Variants in CNRIP1 observed in about 807,000 individuals in gnomAD.
CNRIP1 encodes the protein cannabinoid receptor interacting protein 1.
Under a neutral mutation model 15.2 loss-of-function variants are expected in CNRIP1, and 10 were observed. That is an observed-to-expected ratio of 0.66 (90% CI 0.41 to 1.12). CNRIP1 has a LOEUF of 1.12. Among genes scored for constraint, CNRIP1 ranks in the 50% most tolerant of loss-of-function variants. CNRIP1 has a pLI of 0.00. For synonymous variants in CNRIP1, 91 were observed against 83.2 expected (o/e 1.09, Z -0.51); for missense variants, 211 against 214.7 (o/e 0.98, Z 0.11).
chr2:68,308,352 T>C (rs934279608), intron 2 of CNRIP1, among the ~76,000 whole-genome samples: 5 of 152,226 alleles, frequency 3.3e-5, no homozygotes, highest in African/African-American at 1.2e-4. Context: ...GGAAAATGTT[T>C]TGTCAATATT....
chr2:68,319,331 A>T lies in CNRIP1; in HGVS notation c.70T>A (p.Phe24Ile), dbSNP rs369401112. The T allele has an allele frequency of 1.3e-6, 2 of 1,569,870 alleles. No individual in the cohort carries two copies. Among genetic ancestry groups the T allele is most frequent in the African/African-American group, 2.7e-5 (2 of 74,088 alleles). Reference sequence around the variant, plus strand: ...AAGCGCTGCCCGTCCACCTTGTAAAAGACCGGGCCGTCATTAGGCTGGATG... The same window carrying T: ...AAGCGCTGCCCGTCCACCTTGTAAATGACCGGGCCGTCATTAGGCTGGATG... The part of the protein sequence containing the change: ...LRIQPNDGPV[F>I]YKVDGQRFGQ... The change falls in exon 1 of 3, where the codon TTT (phenylalanine) becomes ATT (isoleucine). Residue 24 changes from phenylalanine (F) to isoleucine (I), a missense_variant. Transcript: ENST00000263655.
At chr2:68,310,909 T>C (rs1248368051) in intron 2 of CNRIP1, among the ~76,000 whole-genome samples, 1 of 151,908 alleles carries the variant, frequency 6.6e-6, no homozygotes, top group Non-Finnish European at 1.5e-5. Flanking sequence ...CTAAAAAATG[T>C]TATAGAATTT....
intron 2 of CNRIP1, among the ~76,000 whole-genome samples, chr2:68,313,856 T>C (rs1448056366): frequency 6.6e-6 from 1 of 152,118 alleles, no homozygotes; most frequent in African/African-American, 2.4e-5. Flanking sequence ...AAAGGTTCTA[T>C]ATCATCCAAC....
intron 2 of CNRIP1, among the ~76,000 whole-genome samples, chr2:68,306,466 T>C (rs1671849920): frequency 2.0e-5 from 3 of 152,170 alleles, no homozygotes; most frequent in African/African-American, 7.2e-5. Flanking sequence ...AGGCCACTTT[T>C]AGCTCTATCA....
chr2:68,318,448 T>C (rs1215040484), intron 1 of CNRIP1, among the ~76,000 whole-genome samples: 3 of 152,050 alleles, frequency 2.0e-5, no homozygotes, highest in Non-Finnish European at 4.4e-5. Context: ...CCACACACTT[T>C]CCCGCCAGAG....
chr2:68,311,675 C>T (rs532387520), intron 2 of CNRIP1, among the ~76,000 whole-genome samples: 5 of 149,038 alleles, frequency 3.4e-5, no homozygotes, highest in East Asian at 2.0e-4. Context: ...CTTGGGAGGC[C>T]GAGGCAGGAG....
At chr2:68,290,024 C>CTTTTTTTTT (rs35429690), downstream of CNRIP1, among the ~76,000 whole-genome samples, 2 of 89,642 alleles carry the variant, frequency 2.2e-5, no homozygotes, top group Non-Finnish European at 4.3e-5. Flanking sequence ...AGAATCTGAA[C>CTTTTTTTTT]TTTTTTTTTT....
chr2:68,293,626 GAAC>G lies in CNRIP1; in HGVS notation c.*233_*235del. On this transcript the variant is annotated 3_prime_UTR_variant, in exon 3 of 3. Coordinates refer to ENST00000263655, the MANE Select transcript of CNRIP1 (RefSeq NM_015463.3). ...TATGACCGAGAACAACTGGATGCAG[GAAC>G]ATCAGCACAAAATACAGATGGGAAT... 1 of 1,197,438 alleles carries G rather than the reference GAAC, an allele frequency of 8.4e-7. No homozygotes were observed. The highest frequency in any genetic ancestry group is 1.0e-6 in the Non-Finnish European group (1 of 957,004). 74.2% of individuals were successfully genotyped at this position (1,197,438 alleles called of 1,614,324 possible). A position where few individuals can be genotyped will look rare whatever the true frequency, so the allele number is the denominator to read the frequency against.
intron 2 of CNRIP1, among the ~76,000 whole-genome samples, chr2:68,306,321 CA>C (rs35066190): frequency 0.32 from 27,628 of 85,486 alleles, 2,441 homozygotes; most frequent in Admixed American, 0.34. Flanking sequence ...GATCCTATCT[CA>C]AAAAAAAAAA....
chr2:68,310,356 T>C (rs1449777437), intron 2 of CNRIP1, among the ~76,000 whole-genome samples: 5 of 152,110 alleles, frequency 3.3e-5, no homozygotes, highest in African/African-American at 1.2e-4. Context: ...TTTGGATTGA[T>C]AGAGCAGCTG....
At chr2:68,299,278 G>A (rs1671511717) in intron 2 of CNRIP1, among the ~76,000 whole-genome samples, 3 of 152,054 alleles carry the variant, frequency 2.0e-5, no homozygotes, top group Admixed American at 2.0e-4. Context: ...AGTTGTCACA[G>A]GTAGAATGCT....
At chr2:68,314,448 A>C (rs1005468561) in intron 2 of CNRIP1, among the ~76,000 whole-genome samples, 2 of 152,084 alleles carry the variant, frequency 1.3e-5, no homozygotes, top group African/African-American at 4.8e-5. Flanking sequence ...AAATAAGATA[A>C]ATTATCTCCA....
chr2:68,298,013 G>A (rs76347014), intron 2 of CNRIP1, among the ~76,000 whole-genome samples: 5,105 of 152,128 alleles, frequency 0.034, 292 homozygotes, highest in African/African-American at 0.12. Context: ...TTTTTTAAAT[G>A]GTGAAATGGA....
intron 1 of CNRIP1, 142 bp from the exon 2 acceptor site, chr2:68,317,449 A>AG (rs1672318799): frequency 2.5e-6 from 2 of 794,304 alleles, no homozygotes; most frequent in South Asian, 1.8e-5. Flanking sequence ...CTGCAAGTTC[A>AG]GGGGGCAGTG....
intron 2 of CNRIP1, among the ~76,000 whole-genome samples, chr2:68,308,840 CAA>C (rs1233396732): frequency 6.6e-6 from 1 of 151,746 alleles, no homozygotes; most frequent in East Asian, 1.9e-4. Context: ...ACTAGATGAA[CAA>C]GAGAGATGCC....
chr2:68,287,237 T>A (rs1671052898), intron 2 of CNRIP1, among the ~76,000 whole-genome samples: 2 of 152,184 alleles, frequency 1.3e-5, no homozygotes, highest in Admixed American at 6.5e-5. Flanking sequence ...GAGTAGGTGG[T>A]CTGGATTCCC....
rs1402928965 is a variant in CNRIP1, at chr2:68,319,642, A to C, written c.-242T>G. ...GGAAGCGGGCCCAAGAGACGGCTCC[A>C]AGGCCGCGCGCTTCCCCATCCCCCG... is the stretch of plus-strand genomic sequence containing the variant. On this transcript the variant is annotated 5_prime_UTR_variant, in exon 1 of 3. Transcript: ENST00000263655. 6.3e-6 allele frequency: 3 copies of C among 472,632 alleles called. No homozygotes were observed. The highest frequency in any genetic ancestry group is 7.5e-6 in the Non-Finnish European group (2 of 267,682). 29.3% of individuals were successfully genotyped at this position (472,632 alleles called of 1,614,324 possible).
chr2:68,299,578 G>A (rs376500336), intron 2 of CNRIP1, among the ~76,000 whole-genome samples: 66 of 152,216 alleles, frequency 4.3e-4, no homozygotes, highest in African/African-American at 1.6e-3. Flanking sequence ...CCAGAACTCT[G>A]AGAAATAGAT....
chr2:68,289,164 T>TA (rs1221095551), downstream of CNRIP1, among the ~76,000 whole-genome samples: 3 of 152,194 alleles, frequency 2.0e-5, no homozygotes, highest in African/African-American at 7.2e-5. Flanking sequence ...CTTGACTTTT[T>TA]AATCAGAAAA....
Sources: allele counts gnomAD v4.1 joint callset (sites outside exome capture counted in the v4.1 genomes callset), GRCh38; gene constraint gnomAD v4.1.1; transcripts MANE v1.5; gene names NCBI Gene and HGNC (gene_info 2026-07-23, HGNC 2026-07-21).